PPFIBP2: variants seen among roughly 807,000 people sequenced by gnomAD.
The protein encoded by PPFIBP2 is liprin-beta-2.
Under a neutral mutation model 118.3 loss-of-function variants are expected in PPFIBP2, and 118 were observed. The observed-to-expected ratio is 1.00, with a 90% CI of 0.86 to 1.16. The LOEUF (loss-of-function observed/expected upper bound fraction) is 1.16. Among genes scored for constraint, PPFIBP2 ranks in the 50% most tolerant of loss-of-function variants. The probability of loss-of-function intolerance (pLI) is 0.00; values close to 1 mark genes in which losing one functional copy is unlikely to be tolerated. For synonymous variants in PPFIBP2, 414 were observed against 397.4 expected, an observed-to-expected ratio of 1.04 and a Z score of -0.50; for missense variants, 1,195 against 1,073.1, an observed-to-expected ratio of 1.11 and a Z score of -1.59.
At chr11:7,540,277 G>C (rs1851643959) in intron 1 of PPFIBP2, among the ~76,000 whole-genome samples, 1 of 152,172 alleles carries the variant, frequency 6.6e-6, no homozygotes, top group Admixed American at 6.5e-5. Context: ...TGGAGGCAGA[G>C]AAACTGGTTA....
chr11:7,581,393 G>T (rs1365593561), intron 3 of PPFIBP2, among the ~76,000 whole-genome samples: 1 of 152,214 alleles, frequency 6.6e-6, no homozygotes, highest in Non-Finnish European at 1.5e-5. Context: ...CACTCTCAGT[G>T]CTTAAGCAAA....
intron 3 of PPFIBP2, among the ~76,000 whole-genome samples, chr11:7,566,367 A>G (rs1453448307): frequency 2.0e-5 from 3 of 152,184 alleles, no homozygotes; most frequent in Middle Eastern, 3.4e-3. Flanking sequence ...GCAGCATTTT[A>G]TTTTTGAGAC....
intron 1 of PPFIBP2, among the ~76,000 whole-genome samples, chr11:7,516,130 C>G (rs1325502825): frequency 1.3e-5 from 2 of 152,150 alleles, no homozygotes; most frequent in African/African-American, 4.8e-5. Context: ...TTACCAAGTT[C>G]CCCCAGGTGA....
At chr11:7,600,921 C>T (rs1028319395) in intron 5 of PPFIBP2, among the ~76,000 whole-genome samples, 1 of 152,214 alleles carries the variant, frequency 6.6e-6, no homozygotes, top group African/African-American at 2.4e-5. Flanking sequence ...TCATACAGTA[C>T]ATACCTATAG....
chr11:7,524,164 T>A (rs1464929789), intron 1 of PPFIBP2, among the ~76,000 whole-genome samples: 1 of 151,758 alleles, frequency 6.6e-6, no homozygotes. Context: ...GAGAGTTGTG[T>A]AGGAATCAAG....
the PPFIBP2 span, chr11:7,665,390 A>G: frequency 7.6e-6 from 12 of 1,578,744 alleles, no homozygotes; most frequent in Non-Finnish European, 9.4e-6. Flanking sequence ...GGTGAAAATC[A>G]TGTCCTGGGT....
At chr11:7,644,466 C>T (rs1304264221) in intron 17 of PPFIBP2, among the ~76,000 whole-genome samples, 7 of 152,190 alleles carry the variant, frequency 4.6e-5, no homozygotes, top group Admixed American at 3.9e-4. Flanking sequence ...TGGATCCCAC[C>T]TTTGCGGAGT....
the PPFIBP2 span, chr11:7,665,895 G>T: frequency 6.5e-7 from 1 of 1,536,172 alleles, no homozygotes; most frequent in Non-Finnish European, 8.7e-7. Context: ...TAGTGGAACT[G>T]CGCAGAATTG....
intron 17 of PPFIBP2, among the ~76,000 whole-genome samples, chr11:7,647,168 A>G (rs1188504164): frequency 6.6e-6 from 1 of 152,198 alleles, no homozygotes; most frequent in Non-Finnish European, 1.5e-5. Context: ...GCATTTAAAA[A>G]AATATGTTTT....
chr11:7,540,408 A>G (rs911389416), intron 1 of PPFIBP2, among the ~76,000 whole-genome samples: 3 of 152,146 alleles, frequency 2.0e-5, no homozygotes, highest in African/African-American at 7.2e-5. Context: ...TGTGGGTAAC[A>G]AAAGGGAAGG....
At chr11:7,665,837 G>A in the PPFIBP2 span, 1 of 1,535,172 alleles carries the variant, frequency 6.5e-7, no homozygotes, top group Non-Finnish European at 8.7e-7. Context: ...CGAGGTGTGT[G>A]AATCAGTACA....
intron 3 of PPFIBP2, among the ~76,000 whole-genome samples, chr11:7,580,383 T>C (rs925098656): frequency 3.3e-5 from 5 of 152,208 alleles, no homozygotes; most frequent in African/African-American, 9.6e-5. Context: ...CTTTTGAAGG[T>C]AGAAACACTA....
Position 7,653,329 on chromosome 11 carries a change from T to G in PPFIBP2, c.*111T>G, listed in dbSNP as rs771622059. On this transcript the variant is annotated 3_prime_UTR_variant, in exon 24 of 24. Coordinates refer to ENST00000299492, the MANE Select transcript of PPFIBP2 (RefSeq NM_003621.5). ...CGTGTGCATGACTCGCAGAGAATAT[T>G]CCAGCAATTGTGTACCCCTGGGCCA... 6.6e-7 allele frequency: 1 copy of G among 1,520,328 alleles called. No individual in the cohort carries two copies. Among genetic ancestry groups the G allele is most frequent in the South Asian group, 1.3e-5 (1 of 78,634 alleles). The allele number at this position is 1,520,328 out of a possible 1,614,324, so 94.2% of individuals were successfully genotyped here. A position where few individuals can be genotyped will look rare whatever the true frequency, so the allele number is the denominator to read the frequency against.
At chr11:7,629,341 C>T (rs989263065) in intron 9 of PPFIBP2, 118 bp from the exon 10 acceptor site, 2 of 991,044 alleles carry the variant, frequency 2.0e-6, no homozygotes, top group Non-Finnish European at 3.2e-6. Flanking sequence ...CACTCTTTTC[C>T]TTTGGTTCCA....
intron 1 of PPFIBP2, among the ~76,000 whole-genome samples, chr11:7,524,031 A>C (rs1346816056): frequency 6.6e-6 from 1 of 152,198 alleles, no homozygotes; most frequent in African/African-American, 2.4e-5. Flanking sequence ...CCTTCTTAGC[A>C]AACTTCTCCA....
intron 6 of PPFIBP2, among the ~76,000 whole-genome samples, chr11:7,620,202 T>C (rs1849176602): frequency 6.6e-6 from 1 of 152,154 alleles, no homozygotes; most frequent in South Asian, 2.1e-4. Flanking sequence ...GCCCAAAGAA[T>C]GGCATCGGAA....
chr11:7,665,721 T>G, the PPFIBP2 span: 1 of 1,176,420 alleles, frequency 8.5e-7, no homozygotes, highest in Non-Finnish European at 1.2e-6. Flanking sequence ...AACAGCCCTC[T>G]GCAGCAATCA....
intron 6 of PPFIBP2, among the ~76,000 whole-genome samples, chr11:7,615,309 C>T (rs1565061405): frequency 1.4e-5 from 2 of 147,254 alleles, no homozygotes; most frequent in Non-Finnish European, 3.0e-5. Context: ...GCACTCCAGC[C>T]TGGGAGACAG....
chr11:7,648,518 C>T lies in PPFIBP2; in HGVS notation c.1778C>T (p.Thr593Ile), dbSNP rs570782697. The T allele has an allele frequency of 1.2e-6, 2 of 1,614,030 alleles. No homozygotes were observed. Among genetic ancestry groups the T allele is most frequent in the Admixed American group, 1.7e-5 (1 of 60,002 alleles). The change falls in exon 18 of 24, where the codon ACC becomes ATC. Residue 593 changes from threonine to isoleucine, a missense_variant. Physicochemically the swap from Thr to Ile is moderately conservative, Grantham distance 89 (BLOSUM62 -1). Transcript: ENST00000299492. Reference sequence around the variant, plus strand: ...TCTGGCCACACCTTATTGACAGCCACCCCTCAGGACATGGAAAAGGTAAGG... The same window carrying T: ...TCTGGCCACACCTTATTGACAGCCATCCCTCAGGACATGGAAAAGGTAAGG... ...VSSGHTLLTA[T>I]PQDMEKELGI...
Sources: allele counts gnomAD v4.1 joint callset (sites outside exome capture counted in the v4.1 genomes callset), GRCh38; gene constraint gnomAD v4.1.1; transcripts MANE v1.5; gene names NCBI Gene and HGNC (gene_info 2026-07-23, HGNC 2026-07-21).